GRK5: variants seen among roughly 807,000 people sequenced by gnomAD.
GRK5 encodes g protein-coupled receptor kinase GRK5.
Under a neutral mutation model 78.4 loss-of-function variants are expected in GRK5, and 40 were observed. The ratio of observed to expected loss-of-function variants is 0.51; its 90% CI spans 0.40 to 0.66. The LOEUF (loss-of-function observed/expected upper bound fraction) is 0.66, where lower values mean the gene tolerates loss of function less well. Among genes scored for constraint, GRK5 ranks in the 30% least tolerant of loss-of-function variants. The pLI is 0.00. For missense variants in GRK5, 598 were observed against 759.9 expected (o/e 0.79, Z 2.50); for synonymous variants, 289 against 296.8 (o/e 0.97, Z 0.27).
Position 119,457,992 on chromosome 10 carries a change from C to T in GRK5, c.*2925C>T, listed in dbSNP as rs889581528. On this transcript the variant is annotated 3_prime_UTR_variant, in exon 16 of 16. Transcript: ENST00000392870. ...TATAGGTGTGAGCCACTGTCCCTGG[C>T]CTATACGGTCATTTTTTAAAAGATA... 6.6e-6 allele frequency: 1 copy of T among 152,136 alleles called. No individual in the cohort carries two copies. Among genetic ancestry groups the T allele is most frequent in the African/African-American group, 2.4e-5 (1 of 41,424 alleles). 9.4% of individuals were successfully genotyped at this position (152,136 alleles called of 1,614,324 possible). A position where few individuals can be genotyped will look rare whatever the true frequency, so the allele number is the denominator to read the frequency against.
At chr10:119,344,882 C>CTTCCTTCT (rs1442136913) in intron 2 of GRK5, among the ~76,000 whole-genome samples, 1 of 123,420 alleles carries the variant, frequency 8.1e-6, no homozygotes, top group African/African-American at 3.2e-5. Flanking sequence ...CCCTTCCTTC[C>CTTCCTTCT]TTCCTTCCTT....
chr10:119,220,274 G>A (rs1848637799), intron 1 of GRK5, among the ~76,000 whole-genome samples: 1 of 152,166 alleles, frequency 6.6e-6, no homozygotes, highest in Admixed American at 6.5e-5. Context: ...GGGATGGAAT[G>A]CACCAGGCCT....
intron 1 of GRK5, among the ~76,000 whole-genome samples, chr10:119,321,636 A>G (rs543576516): frequency 1.3e-5 from 2 of 152,362 alleles, no homozygotes; most frequent in African/African-American, 2.4e-5. Flanking sequence ...ATCATTATCC[A>G]TAATCTCATC....
At chr10:119,404,612 A>G (rs143589711) in intron 4 of GRK5, among the ~76,000 whole-genome samples, 1 of 152,182 alleles carries the variant, frequency 6.6e-6, no homozygotes, top group Non-Finnish European at 1.5e-5. Context: ...TTTTGAAGGG[A>G]AAGGGTGTGT....
In GRK5 at chr10:119,379,339, A is replaced by T. The variant is rs1851675843; in HGVS notation, c.149-1476A>T. Among the ~76,000 whole-genome samples, 1 of 152,128 alleles carries T rather than the reference A, an allele frequency of 6.6e-6. No individual in the cohort carries two copies. Among genetic ancestry groups the T allele is most frequent in the African/African-American group, 2.4e-5 (1 of 41,408 alleles). The stretch of plus-strand genomic sequence containing the variant: ...GAGCGATGGGCTGGGATTCAAACCA[A>T]GGCAGTTTAGCTCCAGAGCCCACAC... On this transcript the variant is annotated intron_variant, in intron 2 of 15. Transcript: ENST00000392870. The surrounding 1 kb of genome is among the most constrained non-coding windows in gnomAD (Gnocchi z 4.1).
intron 13 of GRK5, 70 bp downstream of exon 13, chr10:119,448,330 T>C (rs762052178): frequency 2.0e-6 from 3 of 1,498,864 alleles, no homozygotes; most frequent in Non-Finnish European, 2.7e-6. Context: ...GAGTGCTGCC[T>C]CACAGTGAGC....
intron 1 of GRK5, among the ~76,000 whole-genome samples, chr10:119,295,175 G>C (rs985138345): frequency 8.1e-6 from 1 of 123,090 alleles, no homozygotes; most frequent in African/African-American, 3.3e-5. Flanking sequence ...GGGCGACAGA[G>C]CGAGACTCAG....
chr10:119,252,127 C>T (rs1849213990), intron 1 of GRK5, among the ~76,000 whole-genome samples: 1 of 152,312 alleles, frequency 6.6e-6, no homozygotes, highest in Non-Finnish European at 1.5e-5. Flanking sequence ...GTGGCGTGCT[C>T]GTGCCGATAG....
intron 1 of GRK5, among the ~76,000 whole-genome samples, chr10:119,246,040 AAAAAAG>A (rs1849105946): frequency 2.9e-5 from 4 of 140,178 alleles, no homozygotes; most frequent in African/African-American, 1.3e-4. Flanking sequence ...AAAAAAAAAA[AAAAAAG>A]AAAAAAAGAT....
chr10:119,208,450 GAT>G (rs1848427136), intron 1 of GRK5: 1 of 159,296 alleles, frequency 6.3e-6, no homozygotes, highest in African/African-American at 2.4e-5. Context: ...CATCCGCTGG[GAT>G]GTTTCTTAGG....
Position 119,253,104 on chromosome 10 carries a change from C to T in GRK5, c.52+45135C>T, listed in dbSNP as rs1849228409. ...GTGCTCAAGGCTGGTTTCAACCCTGCTGTACTAATCTGCTGATGAGGGAGA... is the reference window on the plus strand; with the variant it reads ...GTGCTCAAGGCTGGTTTCAACCCTGTTGTACTAATCTGCTGATGAGGGAGA... On this transcript the variant is annotated intron_variant, in intron 1 of 15. Transcript: ENST00000392870. The surrounding 1 kb of genome is among the most constrained non-coding windows in gnomAD (Gnocchi z 5.7). Among the ~76,000 whole-genome samples, 2 of 152,258 alleles carry T rather than the reference C, an allele frequency of 1.3e-5. No homozygotes were observed. Among genetic ancestry groups the T allele is most frequent in the South Asian group, 4.1e-4 (2 of 4,830 alleles).
intron 1 of GRK5, among the ~76,000 whole-genome samples, chr10:119,270,402 G>C (rs968345135): frequency 1.3e-5 from 2 of 152,224 alleles, no homozygotes; most frequent in Non-Finnish European, 2.9e-5. Flanking sequence ...ATACGTTATA[G>C]CAACTGTATA....
intron 1 of GRK5, among the ~76,000 whole-genome samples, chr10:119,231,033 A>G (rs1171497440): frequency 6.6e-6 from 1 of 152,012 alleles, no homozygotes; most frequent in African/African-American, 2.4e-5. Context: ...TGGGGAGACT[A>G]AATCTATAGC....
intron 1 of GRK5, among the ~76,000 whole-genome samples, chr10:119,214,782 A>G (rs1848544440): frequency 6.6e-6 from 1 of 152,204 alleles, no homozygotes; most frequent in Non-Finnish European, 1.5e-5. Flanking sequence ...TGGCCTCCCA[A>G]AATGTTGGGA....
At chr10:119,387,004 AT>A (rs781044912) in intron 3 of GRK5, among the ~76,000 whole-genome samples, 425 of 144,792 alleles carry the variant, frequency 2.9e-3, no homozygotes, top group Admixed American at 3.1e-3. Context: ...CCTGCACAGT[AT>A]TTTTTTTTTT....
intron 2 of GRK5, among the ~76,000 whole-genome samples, chr10:119,360,525 CTGTG>C (rs1396458956): frequency 6.7e-6 from 1 of 150,312 alleles, no homozygotes; most frequent in African/African-American, 2.5e-5. Flanking sequence ...TGGGAGGAGC[CTGTG>C]TGAGTGGGAA....
In GRK5 at chr10:119,326,531, G is replaced by A. The variant is rs767144498; in HGVS notation, c.68G>A (p.Arg23His). 47 of 1,613,900 alleles carry A rather than the reference G, an allele frequency of 2.9e-5. No homozygotes were observed. The highest frequency in any genetic ancestry group is 1.6e-4 in the Middle Eastern group (1 of 6,080). Residue 23 changes from arginine to histidine, a missense_variant, in exon 2 of 16, where the codon CGC becomes CAC. By Grantham distance (29) the Arg-to-His change is conservative. Transcript: ENST00000392870. ...ATCTCTGCAGGGGGCGGAGGAAAGC[G>A]CAAAGGGAAAAGCAAGAAGTGGAAA... ...LKAREGGGGK[R>H]KGKSKKWKEI... is the part of the protein sequence containing the mutation.
intron 3 of GRK5, 21 bp downstream of exon 3, chr10:119,380,948 G>T: frequency 6.9e-7 from 1 of 1,440,820 alleles, no homozygotes; most frequent in Non-Finnish European, 9.8e-7. Flanking sequence ...GCTCCTGAGG[G>T]ATGGTCCTGT....
chr10:119,433,165 C>G (rs1852853517), intron 8 of GRK5, among the ~76,000 whole-genome samples: 1 of 152,216 alleles, frequency 6.6e-6, no homozygotes, highest in African/African-American at 2.4e-5. Flanking sequence ...CAGGCCACCC[C>G]CAGCTGCCAG....
Sources: gnomAD v4.1 joint callset for allele counts (sites outside exome capture counted in the v4.1 genomes callset) on GRCh38, gnomAD v4.1.1 for gene constraint, Gnocchi (gnomAD v3.1) non-coding constraint, MANE v1.5 for transcripts, NCBI Gene and HGNC (gene_info 2026-07-23, HGNC 2026-07-21) for gene names.